The following GLI2 variants were observed in gnomAD, a reference collection of about 807,000 sequenced individuals.
GLI2 encodes the protein transcription activator GLI2.
In GLI2, 22 loss-of-function variants were observed where a neutral mutation model predicts 78.9. That is an observed-to-expected ratio of 0.28 (90% CI 0.20 to 0.40). The LOEUF (loss-of-function observed/expected upper bound fraction) is 0.40, where lower values mean the gene tolerates loss of function less well. GLI2 is among the 10% of genes least tolerant of loss of function. The pLI is 1.00. For missense variants in GLI2, 2,097 were observed against 2,213.2 expected (o/e 0.95, Z 1.05); for synonymous variants, 974 against 963.7 (o/e 1.01, Z -0.20).
At chr2:120,859,004 C>T (rs886446207) in intron 2 of GLI2, among the ~76,000 whole-genome samples, 7 of 149,018 alleles carry the variant, frequency 4.7e-5, no homozygotes, top group African/African-American at 1.3e-4. Context: ...CCAGGCTTTC[C>T]GGAGGCACGG....
chr2:120,856,163 C>G (rs140531196), intron 2 of GLI2, among the ~76,000 whole-genome samples: 360 of 152,276 alleles, frequency 2.4e-3, no homozygotes, highest in African/African-American at 7.2e-3. Context: ...CTGTCCATCC[C>G]GCACTTATTT....
intron 5 of GLI2, among the ~76,000 whole-genome samples, chr2:120,967,122 C>T (rs1445994877): frequency 6.6e-6 from 1 of 152,156 alleles, no homozygotes; most frequent in African/African-American, 2.4e-5. Context: ...TGAGCAACCC[C>T]CAGCATCATT....
chr2:120,806,931 C>T (rs1684984679), intron 2 of GLI2, among the ~76,000 whole-genome samples: 1 of 152,200 alleles, frequency 6.6e-6, no homozygotes, highest in Non-Finnish European at 1.5e-5. Flanking sequence ...AACCAGACAC[C>T]CCAGTTACGA....
chr2:120,986,166 C>A (rs1037813703), intron 12 of GLI2, 112 bp from the exon 13 acceptor site: 101 of 938,806 alleles, frequency 1.1e-4, no homozygotes, highest in Non-Finnish European at 1.6e-4. Context: ...CCTTCCCTCA[C>A]CCTCAGCCCC....
At chr2:120,922,223 C>G (rs144634275) in intron 2 of GLI2, among the ~76,000 whole-genome samples, 44 of 152,326 alleles carry the variant, frequency 2.9e-4, no homozygotes, top group African/African-American at 1.0e-3. Context: ...ATGAATATTT[C>G]TAGATGACAG....
At chr2:120,876,721 G>T (rs921634206) in intron 2 of GLI2, among the ~76,000 whole-genome samples, 1 of 152,062 alleles carries the variant, frequency 6.6e-6, no homozygotes, top group Non-Finnish European at 1.5e-5. Context: ...CCAGCTCCCA[G>T]TGGGTCGGCA....
intron 2 of GLI2, among the ~76,000 whole-genome samples, chr2:120,871,011 A>G (rs541992711): frequency 1.3e-5 from 2 of 152,308 alleles, no homozygotes; most frequent in South Asian, 4.1e-4. Context: ...TTAATTGAGA[A>G]AGGCAAATCC....
intron 2 of GLI2, among the ~76,000 whole-genome samples, chr2:120,846,907 C>T (rs570415273): frequency 7.9e-5 from 12 of 152,222 alleles, no homozygotes; most frequent in Admixed American, 2.6e-4. Flanking sequence ...GCGCGGGCAC[C>T]GCAGCTGTTT....
At chr2:120,942,684 G>T (rs1365944401) in intron 3 of GLI2, among the ~76,000 whole-genome samples, 4 of 152,208 alleles carry the variant, frequency 2.6e-5, no homozygotes, top group Non-Finnish European at 4.4e-5. Flanking sequence ...TGTCGTAACT[G>T]TTCAGAGACG....
At chr2:120,907,457 C>T (rs1312045131) in intron 2 of GLI2, among the ~76,000 whole-genome samples, 11 of 152,090 alleles carry the variant, frequency 7.2e-5, no homozygotes, top group Non-Finnish European at 1.5e-4. Flanking sequence ...AATGGCCTCT[C>T]GTAGGAAGAT....
chr2:120,755,947 A>G (rs191846776), intron 1 of GLI2, among the ~76,000 whole-genome samples: 1 of 152,290 alleles, frequency 6.6e-6, no homozygotes, highest in East Asian at 1.9e-4. Flanking sequence ...GTGTACATTG[A>G]CAGTGACAGC....
At chr2:120,842,033 C>T (rs2104582005) in intron 2 of GLI2, among the ~76,000 whole-genome samples, 1 of 140,918 alleles carries the variant, frequency 7.1e-6, no homozygotes. Flanking sequence ...ATGATTCAAA[C>T]TCAATAGTTA....
intron 1 of GLI2, among the ~76,000 whole-genome samples, chr2:120,757,302 A>G (rs1281286180): frequency 6.6e-6 from 1 of 151,118 alleles, no homozygotes; most frequent in Non-Finnish European, 1.5e-5. Flanking sequence ...TGGATGTTGA[A>G]TATTTTTGTC....
intron 10 of GLI2, among the ~76,000 whole-genome samples, chr2:120,981,863 A>G (rs1399191882): frequency 1.3e-5 from 2 of 152,026 alleles, no homozygotes; most frequent in African/African-American, 2.4e-5. Flanking sequence ...CGTCCTTTCC[A>G]AAAATGTTTC....
At position 120,990,047 on chromosome 2, in the gene GLI2, G is replaced by A. The variant is rs776832448; in HGVS notation, c.4082G>A (p.Ser1361Asn). The A allele has an allele frequency of 4.4e-6, 7 of 1,602,700 alleles. No homozygotes were observed. In the South Asian group the frequency reaches 6.7e-5, roughly 15 times the overall value. The change falls in exon 14 of 14, where the codon AGC becomes AAC. Residue 1361 changes from serine (S) to asparagine (N), a missense_variant. By Grantham distance (46) the Ser-to-Asn change is conservative. Coordinates refer to ENST00000361492, the MANE Select transcript of GLI2 (RefSeq NM_001374353.1). ...CAGCCCCGGCCTCCCCTCGAGCCCA[G>A]CCCCACTGGCCGCCACCGTGGGGTA... Reference protein sequence around the residue: ...LVQPRPPLEPSPTGRHRGVRA... With the variant: ...LVQPRPPLEPNPTGRHRGVRA...
At position 120,984,548 on chromosome 2, in the gene GLI2, G is replaced by A. The variant is rs61732852; in HGVS notation, c.1710G>A (p.Thr570=). ...DPSSLRKHVK[T]VHGPDAHVTK... ...GCTCTCTCCGGAAGCATGTGAAAACGGTCCACGGCCCAGATGCCCACGTCA... is the reference window on the plus strand; with the variant it reads ...GCTCTCTCCGGAAGCATGTGAAAACAGTCCACGGCCCAGATGCCCACGTCA... Residue 570 remains threonine, a synonymous_variant, in exon 12 of 14, where the codon ACG becomes ACA. Coordinates refer to ENST00000361492, the MANE Select transcript of GLI2 (RefSeq NM_001374353.1). 0.012 allele frequency: 19,700 copies of A among 1,614,196 alleles called. 142 individuals carry two copies. Among genetic ancestry groups the A allele is most frequent in the Non-Finnish European group, 0.013 (15,634 of 1,180,026 alleles).
At chr2:120,884,228 A>G (rs552610737) in intron 2 of GLI2, among the ~76,000 whole-genome samples, 1 of 152,280 alleles carries the variant, frequency 6.6e-6, no homozygotes, top group African/African-American at 2.4e-5. Flanking sequence ...GGCTGCAGGG[A>G]GAGTGAGGTC....
chr2:120,949,745 C>A (rs947649364), intron 3 of GLI2, among the ~76,000 whole-genome samples: 1 of 152,210 alleles, frequency 6.6e-6, no homozygotes, highest in East Asian at 1.9e-4. Context: ...AACCAAACTG[C>A]GGAAGACTCC....
intron 2 of GLI2, among the ~76,000 whole-genome samples, chr2:120,814,345 C>A (rs1338363308): frequency 6.6e-6 from 1 of 152,200 alleles, no homozygotes; most frequent in Non-Finnish European, 1.5e-5. Context: ...GAAGCCTTTT[C>A]TGTGTCTGTA....
Sources: gnomAD v4.1 joint callset for allele counts (sites outside exome capture counted in the v4.1 genomes callset) on GRCh38, gnomAD v4.1.1 for gene constraint, MANE v1.5 for transcripts, NCBI Gene and HGNC (gene_info 2026-07-23, HGNC 2026-07-21) for gene names.